EXOC6: variants seen among roughly 807,000 people sequenced by gnomAD.
EXOC6 encodes SEC15-like 1.
A neutral mutation model predicts 112.5 loss-of-function variants in EXOC6; 60 were observed. The observed-to-expected ratio is 0.53, with a 90% confidence interval of 0.43 to 0.66. EXOC6 has a LOEUF of 0.66. Among genes scored for constraint, EXOC6 ranks in the 30% least tolerant of loss-of-function variants. The pLI is 0.00. For synonymous variants in EXOC6, 295 were observed against 308.0 expected (o/e 0.96, Z 0.44); for missense variants, 855 against 957.1 (o/e 0.89, Z 1.41).
At chr10:92,980,475 T>C (rs1009867675) in intron 18 of EXOC6, among the ~76,000 whole-genome samples, 1 of 152,214 alleles carries the variant, frequency 6.6e-6, no homozygotes, top group Admixed American at 6.5e-5. Flanking sequence ...ATTAGTTTCA[T>C]TGTGTAATGA....
At chr10:92,859,820 CATGTGTGTGTGTGTGT>C (rs1322357521) in intron 1 of EXOC6, among the ~76,000 whole-genome samples, 126 of 103,472 alleles carry the variant, frequency 1.2e-3, no homozygotes, top group Admixed American at 2.2e-3. Context: ...CGTTTGTGTG[CATGTGTGTGTGTGTGT>C]GTGTGTGTGT....
At chr10:92,927,452 G>C (rs984976454) in intron 8 of EXOC6, among the ~76,000 whole-genome samples, 1 of 152,218 alleles carries the variant, frequency 6.6e-6, no homozygotes, top group Non-Finnish European at 1.5e-5. Flanking sequence ...TTCTAATAGA[G>C]TGAGGTAGTA....
chr10:92,885,221 A>T (rs1344837473), intron 1 of EXOC6, among the ~76,000 whole-genome samples: 1 of 152,218 alleles, frequency 6.6e-6, no homozygotes, highest in East Asian at 1.9e-4. Context: ...TATAATGAAG[A>T]TAGAAAATGT....
upstream of EXOC6, chr10:92,848,505 C>T (rs1472424771): frequency 6.0e-6 from 8 of 1,323,284 alleles, no homozygotes; most frequent in East Asian, 4.7e-5. Context: ...CGGCGCCGCG[C>T]CTCGCTGGCT....
At chr10:92,908,882 C>T (rs1850589322) in intron 5 of EXOC6, among the ~76,000 whole-genome samples, 1 of 152,128 alleles carries the variant, frequency 6.6e-6, no homozygotes, top group South Asian at 2.1e-4. Flanking sequence ...AAAAAGCACT[C>T]TACCAGTGTG....
intron 17 of EXOC6, among the ~76,000 whole-genome samples, chr10:92,965,701 A>C (rs1842015862): frequency 6.6e-6 from 1 of 152,208 alleles, no homozygotes. Flanking sequence ...TAACTACAGG[A>C]AAAGTTACAT....
intron 6 of EXOC6, among the ~76,000 whole-genome samples, chr10:92,913,535 G>A (rs1335801195): frequency 6.6e-6 from 1 of 152,020 alleles, no homozygotes; most frequent in Non-Finnish European, 1.5e-5. Context: ...AATATACTAG[G>A]TGTTCACCAA....
At position 92,827,595 on chromosome 10, in the gene EXOC6, T is replaced by G. The variant is rs1846408355; in HGVS notation, c.-27+651T>G. ...CTGTCTTTCAGCTTACACTATCAGA[T>G]TTGTATAAGGTAGCATGTTGGAGGG... On this transcript the variant is annotated intron_variant, in intron 1 of 22. Transcript: ENST00000671701. 2.7e-5 allele frequency among the ~76,000 whole-genome samples: 4 copies of G among 150,700 alleles called. No individual in the cohort carries two copies. In the South Asian group the frequency reaches 8.4e-4, roughly 32 times the overall value.
At chr10:92,997,676 A>C in intron 19 of EXOC6, 61 bp downstream of exon 19, 1 of 1,451,448 alleles carries the variant, frequency 6.9e-7, no homozygotes, top group Non-Finnish European at 9.3e-7. Context: ...AATTATATGA[A>C]AAAATGTATT....
chr10:93,019,887 A>G (rs1479062332), intron 20 of EXOC6, among the ~76,000 whole-genome samples: 2 of 152,180 alleles, frequency 1.3e-5, no homozygotes, highest in African/African-American at 4.8e-5. Context: ...AGGCTTTTAA[A>G]AGTCTAATCC....
At chr10:92,877,966 G>C (rs961197332) in intron 1 of EXOC6, 1 of 154,022 alleles carries the variant, frequency 6.5e-6, no homozygotes, top group Non-Finnish European at 1.5e-5. Context: ...AAGGTCTTCA[G>C]CTCCAACCTT....
At chr10:93,040,958 C>G (rs1459489683) in intron 20 of EXOC6, among the ~76,000 whole-genome samples, 3 of 152,198 alleles carry the variant, frequency 2.0e-5, no homozygotes, top group Non-Finnish European at 4.4e-5. Flanking sequence ...GTGAGCTGAC[C>G]CGCTTTCATC....
rs142471281 is a variant in EXOC6 at position 92,942,738 on chromosome 10, G to A, written c.1310+1914G>A. 8.0e-3 allele frequency among the ~76,000 whole-genome samples: 1,218 copies of A among 152,168 alleles called. 7 individuals are homozygous for A. The highest frequency in any genetic ancestry group is 0.044 in the Middle Eastern group (13 of 294). ...ATTTAACTGGCCTCTTCAGAAGGGT[G>A]TTTATGTTTTCATAACTGTCGATAG... On this transcript the variant is annotated intron_variant, in intron 13 of 21. Coordinates refer to ENST00000260762, the MANE Select transcript of EXOC6 (RefSeq NM_019053.6).
At chr10:92,951,137 A>G (rs1301597663) in intron 14 of EXOC6, among the ~76,000 whole-genome samples, 2 of 152,212 alleles carry the variant, frequency 1.3e-5, no homozygotes. Flanking sequence ...CTATTGAGTA[A>G]CTCATCTCAA....
At chr10:92,975,757 C>A (rs1260826093) in intron 18 of EXOC6, among the ~76,000 whole-genome samples, 2 of 133,152 alleles carry the variant, frequency 1.5e-5, no homozygotes, top group African/African-American at 5.6e-5. Flanking sequence ...GGCCAGCCCC[C>A]CGCCGGGCCA....
intron 20 of EXOC6, among the ~76,000 whole-genome samples, chr10:93,051,141 A>G (rs1043967516): frequency 3.0e-5 from 4 of 131,904 alleles, no homozygotes; most frequent in African/African-American, 1.3e-4. Context: ...ATTTTACTGT[A>G]TTCCTCTTTT....
intron 13 of EXOC6, among the ~76,000 whole-genome samples, chr10:92,947,279 G>A (rs1372460973): frequency 3.9e-5 from 6 of 152,086 alleles, no homozygotes; most frequent in African/African-American, 7.2e-5. Flanking sequence ...ACTTTTCAAC[G>A]TGTTGTCTTC....
At chr10:92,830,618 A>G (rs1846459720), upstream of EXOC6, among the ~76,000 whole-genome samples, 1 of 152,076 alleles carries the variant, frequency 6.6e-6, no homozygotes, top group African/African-American at 2.4e-5. Flanking sequence ...TAGGTTGTTT[A>G]GCAGTATCCC....
chr10:93,010,560 A>G (rs1844191036), intron 19 of EXOC6, among the ~76,000 whole-genome samples: 1 of 151,994 alleles, frequency 6.6e-6, no homozygotes, highest in Non-Finnish European at 1.5e-5. Context: ...TTAGCCGGGC[A>G]TGGTGGCATA....
Sources: gnomAD v4.1 joint callset for allele counts (sites outside exome capture counted in the v4.1 genomes callset) on GRCh38, gnomAD v4.1.1 for gene constraint, MANE v1.5 for transcripts, NCBI Gene and HGNC (gene_info 2026-07-23, HGNC 2026-07-21) for gene names.